Variants in PCDHA9 observed in about 807,000 individuals in gnomAD.
PCDHA9 encodes the protein protocadherin alpha 9.
A neutral mutation model predicts 62.0 loss-of-function variants in PCDHA9; 62 were observed. The ratio of observed to expected loss-of-function variants is 1.00; its 90% CI spans 0.81 to 1.23. The LOEUF (loss-of-function observed/expected upper bound fraction) is 1.23. Ranked by LOEUF, PCDHA9 falls within the 50% of genes most tolerant of loss-of-function variation. The pLI is 0.00. For synonymous variants in PCDHA9, 557 were observed against 567.6 expected (o/e 0.98, Z 0.27); for missense variants, 1,205 against 1,249.8 (o/e 0.96, Z 0.54).
chr5:140,858,198 C>G, intron 1 of PCDHA9: 1 of 1,597,410 alleles, frequency 6.3e-7, no homozygotes, highest in Admixed American at 1.7e-5. Flanking sequence ...CTGCTGTACA[C>G]TGCACTGAGG....
intron 1 of PCDHA9, among the ~76,000 whole-genome samples, chr5:140,941,916 A>G (rs191775899): frequency 2.8e-3 from 421 of 152,316 alleles, no homozygotes; most frequent in Middle Eastern, 6.8e-3. Flanking sequence ...GCTTTTATGT[A>G]TATCTTAAAA....
At chr5:140,889,302 C>T (rs1323356979) in intron 1 of PCDHA9, among the ~76,000 whole-genome samples, 1 of 151,926 alleles carries the variant, frequency 6.6e-6, no homozygotes, top group Non-Finnish European at 1.5e-5. Flanking sequence ...TTGGAGAACT[C>T]ACTGTTGAAG....
chr5:140,856,028 G>T, intron 1 of PCDHA9: 1 of 1,560,948 alleles, frequency 6.4e-7, no homozygotes, highest in East Asian at 2.3e-5. Flanking sequence ...TCGTCGATTT[G>T]TAAAACAAGA....
At chr5:140,991,101 T>C (rs1281707030) in intron 3 of PCDHA9, among the ~76,000 whole-genome samples, 3 of 152,218 alleles carry the variant, frequency 2.0e-5, no homozygotes, top group African/African-American at 4.8e-5. Flanking sequence ...CTCATAAGAA[T>C]TAAGTGGCTT....
At chr5:140,966,264 G>C (rs959228779) in intron 1 of PCDHA9, 3 of 347,414 alleles carry the variant, frequency 8.6e-6, no homozygotes, top group Non-Finnish European at 1.5e-5. Flanking sequence ...GTGGAGACTG[G>C]ATGAACTGGA....
At chr5:140,963,517 T>C (rs2095769422) in intron 1 of PCDHA9, among the ~76,000 whole-genome samples, 1 of 152,238 alleles carries the variant, frequency 6.6e-6, no homozygotes, top group East Asian at 1.9e-4. Flanking sequence ...GGGGTTCTCA[T>C]AACAGAAGTC....
chr5:141,000,385 CTCTCTCTCTCTA>C (rs1405113604), intron 3 of PCDHA9, among the ~76,000 whole-genome samples: 12 of 64,976 alleles, frequency 1.8e-4, no homozygotes, highest in Admixed American at 6.0e-4. Context: ...CTCTCTCTCT[CTCTCTCTCTCTA>C]TATATATATA....
At chr5:140,884,541 T>C (rs782267123) in intron 1 of PCDHA9, 17 of 1,613,862 alleles carry the variant, frequency 1.1e-5, no homozygotes, top group Non-Finnish European at 1.4e-5. Flanking sequence ...CGGCCGAGGG[T>C]GTGCTCTGGG....
At chr5:140,875,254 T>A in intron 1 of PCDHA9, 1 of 1,054,680 alleles carries the variant, frequency 9.5e-7, no homozygotes, top group Non-Finnish European at 1.3e-6. Context: ...ATCAGTCACA[T>A]GATGTCGCTC....
chr5:140,925,395 G>A (rs1451043717), intron 1 of PCDHA9, among the ~76,000 whole-genome samples: 1 of 151,998 alleles, frequency 6.6e-6, no homozygotes, highest in African/African-American at 2.4e-5. Context: ...CTTTTGGCTC[G>A]CCTCCTTCTT....
At chr5:140,852,634 G>C (rs1450409196) in intron 1 of PCDHA9, 2 of 955,260 alleles carry the variant, frequency 2.1e-6, no homozygotes, top group African/African-American at 3.6e-5. Flanking sequence ...CTGAGCTCCT[G>C]TCATTAAACC....
chr5:140,899,162 C>T (rs1237064232), intron 1 of PCDHA9, among the ~76,000 whole-genome samples: 31 of 152,224 alleles, frequency 2.0e-4, no homozygotes, highest in African/African-American at 7.2e-4. Flanking sequence ...TTCCTCTTTT[C>T]CTAATTGAAT....
intron 1 of PCDHA9, among the ~76,000 whole-genome samples, chr5:140,897,061 T>C (rs1554187169): frequency 6.6e-6 from 1 of 152,134 alleles, no homozygotes; most frequent in Admixed American, 6.6e-5. Context: ...TCAAATACTA[T>C]GTCTTATTCA....
At chr5:140,982,607 G>T (rs868934947) in intron 3 of PCDHA9, 44 bp downstream of exon 3, 2 of 1,601,622 alleles carry the variant, frequency 1.2e-6, no homozygotes, top group South Asian at 1.1e-5. Flanking sequence ...TTTCTGGAAA[G>T]TGATCAGATG....
At chr5:140,870,388 G>C in intron 1 of PCDHA9, 1 of 1,614,232 alleles carries the variant, frequency 6.2e-7, no homozygotes, top group Non-Finnish European at 8.5e-7. Flanking sequence ...TGCGCGGGAT[G>C]GGGGTTCGCC....
chr5:140,868,834 A>G (rs1554162245), intron 1 of PCDHA9: 10 of 427,500 alleles, frequency 2.3e-5, no homozygotes, highest in Non-Finnish European at 8.0e-6. Context: ...AAGAAACCCA[A>G]AACACGTGAA....
At chr5:140,877,816 GATT>G (rs2057354449) in intron 1 of PCDHA9, 1 of 1,609,196 alleles carries the variant, frequency 6.2e-7, no homozygotes, top group East Asian at 2.2e-5. Flanking sequence ...GTCTCGAGAA[GATT>G]GTTTAAATCC....
intron 1 of PCDHA9, chr5:140,967,401 G>T (rs374310490): frequency 1.2e-6 from 2 of 1,611,944 alleles, no homozygotes; most frequent in Non-Finnish European, 1.7e-6. Flanking sequence ...CTGGTGCTGC[G>T]TAAGGGCCTA....
chr5:140,918,210 A>T (rs2078574076), intron 1 of PCDHA9, among the ~76,000 whole-genome samples: 1 of 152,152 alleles, frequency 6.6e-6, no homozygotes, highest in Non-Finnish European at 1.5e-5. Context: ...TTGTTGGTGT[A>T]CAGAAATGCT....
Sources: allele counts gnomAD v4.1 joint callset (sites outside exome capture counted in the v4.1 genomes callset), GRCh38; gene constraint gnomAD v4.1.1; transcripts MANE v1.5; gene names NCBI Gene and HGNC (gene_info 2026-07-23, HGNC 2026-07-21).